CAMTA1: variants seen among roughly 807,000 people sequenced by gnomAD.
CAMTA1 encodes the protein calmodulin binding transcription activator 1.
In CAMTA1, 27 loss-of-function variants were observed where a neutral mutation model predicts 170.9. The observed-to-expected ratio is 0.16, with a 90% confidence interval of 0.12 to 0.22. The LOEUF (loss-of-function observed/expected upper bound fraction) is 0.22. Ranked by LOEUF, CAMTA1 falls within the 10% of genes least tolerant of loss-of-function variation. The probability of loss-of-function intolerance (pLI) is 1.00; values close to 1 mark genes in which losing one functional copy is unlikely to be tolerated. For missense variants in CAMTA1, 1,619 were observed against 2,217.2 expected (o/e 0.73, Z 5.42); for synonymous variants, 833 against 891.5 (o/e 0.93, Z 1.17).
chr1:7,372,284 G>A (rs1228598988), intron 5 of CAMTA1, among the ~76,000 whole-genome samples: 1 of 152,212 alleles, frequency 6.6e-6, no homozygotes, highest in East Asian at 1.9e-4. Context: ...GTCCTTTAGG[G>A]GACAGCACAG....
chr1:7,577,116 G>A (rs1004345482), intron 6 of CAMTA1, among the ~76,000 whole-genome samples: 2 of 152,194 alleles, frequency 1.3e-5, no homozygotes, highest in African/African-American at 4.8e-5. Flanking sequence ...ACTGATTGGT[G>A]TGAGGGATCA....
chr1:7,599,974 T>C (rs543879091), intron 6 of CAMTA1, among the ~76,000 whole-genome samples: 1 of 152,322 alleles, frequency 6.6e-6, no homozygotes, highest in South Asian at 2.1e-4. Context: ...CTTCCAACGC[T>C]GTGTTGAATA....
chr1:7,392,013 G>A (rs1318756387), intron 5 of CAMTA1, among the ~76,000 whole-genome samples: 2 of 152,152 alleles, frequency 1.3e-5, no homozygotes, highest in East Asian at 1.9e-4. Context: ...TTTCTCTTGG[G>A]AAAATATATA....
chr1:6,964,106 G>A (rs1234547679), intron 3 of CAMTA1, among the ~76,000 whole-genome samples: 1 of 152,020 alleles, frequency 6.6e-6, no homozygotes, highest in Non-Finnish European at 1.5e-5. Context: ...CTTTGGGTGG[G>A]GGCACAGTAC....
At chr1:7,015,711 A>C (rs1425348995) in intron 3 of CAMTA1, among the ~76,000 whole-genome samples, 1 of 152,132 alleles carries the variant, frequency 6.6e-6, no homozygotes, top group Admixed American at 6.5e-5. Flanking sequence ...ATATAGAAAA[A>C]AGGTTTAATT....
intron 3 of CAMTA1, among the ~76,000 whole-genome samples, chr1:7,039,437 T>G (rs1042808808): frequency 6.6e-6 from 1 of 152,230 alleles, no homozygotes; most frequent in Non-Finnish European, 1.5e-5. Flanking sequence ...TCTGGGGTCC[T>G]TTCTGATACC....
At chr1:7,050,000 G>A (rs1706056643) in intron 3 of CAMTA1, among the ~76,000 whole-genome samples, 1 of 152,218 alleles carries the variant, frequency 6.6e-6, no homozygotes, top group Non-Finnish European at 1.5e-5. Flanking sequence ...ATGGGGTCCA[G>A]CGGGGGAAGG....
intron 3 of CAMTA1, among the ~76,000 whole-genome samples, chr1:6,873,025 T>C (rs1668821241): frequency 6.6e-6 from 1 of 152,226 alleles, no homozygotes. Flanking sequence ...ATTGGAACTC[T>C]CACGAACAGT....
chr1:7,598,634 G>GT (rs200934172), intron 6 of CAMTA1, among the ~76,000 whole-genome samples: 4,984 of 152,210 alleles, frequency 0.033, 113 homozygotes, highest in Non-Finnish European at 0.048. Flanking sequence ...CATTCTAACT[G>GT]GTGTGAGATG....
chr1:7,604,201 C>G (rs1168887815), intron 6 of CAMTA1, among the ~76,000 whole-genome samples: 4 of 152,140 alleles, frequency 2.6e-5, no homozygotes, highest in Non-Finnish European at 5.9e-5. Flanking sequence ...GTGGCGTTCT[C>G]TGTATTTCCT....
intron 7 of CAMTA1, among the ~76,000 whole-genome samples, chr1:7,654,382 A>T (rs930541835): frequency 1.3e-4 from 20 of 151,936 alleles, no homozygotes; most frequent in African/African-American, 2.9e-4. Context: ...CCTGTCTCAA[A>T]AAATAAATAA....
intron 6 of CAMTA1, among the ~76,000 whole-genome samples, chr1:7,498,847 T>C (rs2093896800): frequency 6.7e-6 from 1 of 148,752 alleles, no homozygotes; most frequent in Non-Finnish European, 1.5e-5. Flanking sequence ...TGTGCGTGTG[T>C]ATGTATGAGT....
rs1176035647 is a variant in CAMTA1 at position 7,248,224 on chromosome 1, GT to G, written c.303-1265del. ...TGTGCTGCTTGTGAAATGGCCCATT[GT>G]TCGTAGCAAGAAGAAAAGAAAGGCG... On this transcript the variant is annotated intron_variant, in intron 4 of 22. Coordinates refer to ENST00000303635, the MANE Select transcript of CAMTA1 (RefSeq NM_015215.4). The surrounding 1 kb of genome is among the most constrained non-coding windows in gnomAD (Gnocchi z 4.0). Among the ~76,000 whole-genome samples the G allele has an allele frequency of 6.6e-6, 1 of 152,174 alleles. No individual in the cohort carries two copies. Among genetic ancestry groups the G allele is most frequent in the Non-Finnish European group, 1.5e-5 (1 of 68,042 alleles).
intron 5 of CAMTA1, among the ~76,000 whole-genome samples, chr1:7,378,802 C>G (rs1283946242): frequency 6.6e-6 from 1 of 152,160 alleles, no homozygotes; most frequent in African/African-American, 2.4e-5. Flanking sequence ...AGAGGCCGCA[C>G]TAAACTATGG....
chr1:7,257,076 CG>C (rs146110106), intron 5 of CAMTA1, among the ~76,000 whole-genome samples: 10,441 of 135,200 alleles, frequency 0.077, 1,254 homozygotes, highest in African/African-American at 0.25. Context: ...CATCGCATGG[CG>C]GGGGCGGGGG....
chr1:7,421,676 G>T (rs968138938), intron 5 of CAMTA1, among the ~76,000 whole-genome samples: 2 of 152,168 alleles, frequency 1.3e-5, no homozygotes, highest in South Asian at 2.1e-4. Flanking sequence ...CACCTGGCAC[G>T]CAGAGGGGCC....
chr1:6,912,062 C>T (rs990682426), intron 3 of CAMTA1, among the ~76,000 whole-genome samples: 5 of 152,168 alleles, frequency 3.3e-5, no homozygotes, highest in African/African-American at 1.2e-4. Context: ...TTGTAGGATC[C>T]CCGGATTGGT....
chr1:7,434,081 A>G (rs2092270087), intron 5 of CAMTA1, among the ~76,000 whole-genome samples: 1 of 150,706 alleles, frequency 6.6e-6, no homozygotes, highest in South Asian at 2.1e-4. Flanking sequence ...CCTCCCCCAC[A>G]TCCCTTCCTC....
intron 3 of CAMTA1, among the ~76,000 whole-genome samples, chr1:7,057,377 A>G (rs1707510135): frequency 1.3e-5 from 2 of 152,140 alleles, no homozygotes; most frequent in South Asian, 4.1e-4. Flanking sequence ...AATCAACTAT[A>G]CAGGTATTTA....
Sources: gnomAD v4.1 joint callset for allele counts (sites outside exome capture counted in the v4.1 genomes callset) on GRCh38, gnomAD v4.1.1 for gene constraint, Gnocchi (gnomAD v3.1) non-coding constraint, MANE v1.5 for transcripts, NCBI Gene and HGNC (gene_info 2026-07-23, HGNC 2026-07-21) for gene names.